ZNF599: variants seen among roughly 807,000 people sequenced by gnomAD.
ZNF599 encodes the protein zinc finger protein 599.
ZNF599 carries 10 observed loss-of-function variants against 11.7 expected under a neutral mutation model. The observed-to-expected ratio is 0.86, with a 90% CI of 0.53 to 1.45. ZNF599 has a LOEUF of 1.45. Ranked by LOEUF, ZNF599 falls within the 40% of genes most tolerant of loss-of-function variation. The pLI, the probability that ZNF599 is intolerant of heterozygous loss-of-function variation, is 0.00. For missense variants in ZNF599, 688 were observed against 713.6 expected (o/e 0.96, Z 0.41); for synonymous variants, 232 against 253.2 (o/e 0.92, Z 0.79).
chr19:34,793,840 G>A, the ZNF599 span, among the ~76,000 whole-genome samples: 2 of 152,306 alleles, frequency 1.3e-5, no homozygotes, highest in East Asian at 3.9e-4. Context: ...TAAATAAGAG[G>A]TGGGTTATTC....
At chr19:34,766,484 T>C (rs1005082016) in intron 3 of ZNF599, among the ~76,000 whole-genome samples, 5 of 152,228 alleles carry the variant, frequency 3.3e-5, no homozygotes, top group Admixed American at 6.5e-5. Context: ...GTCTTCTGAA[T>C]GCAGAAGAAT....
chr19:34,778,234 T>C, the ZNF599 span, among the ~76,000 whole-genome samples: 5 of 151,646 alleles, frequency 3.3e-5, no homozygotes, highest in African/African-American at 1.2e-4. Context: ...AAATGAAGGG[T>C]CTCAAATCAT....
At chr19:34,805,159 C>A in the ZNF599 span, among the ~76,000 whole-genome samples, 6 of 151,230 alleles carry the variant, frequency 4.0e-5, no homozygotes, top group African/African-American at 1.5e-4. Context: ...ACCTATGACA[C>A]TTCCTTCCAA....
At chr19:34,770,337 C>A (rs918073512) in intron 1 of ZNF599, among the ~76,000 whole-genome samples, 3 of 152,242 alleles carry the variant, frequency 2.0e-5, no homozygotes, top group African/African-American at 7.2e-5. Flanking sequence ...CCCTGTACTC[C>A]TCCATCACCA....
chr19:34,781,024 C>T, the ZNF599 span, among the ~76,000 whole-genome samples: 13 of 151,924 alleles, frequency 8.6e-5, no homozygotes, highest in African/African-American at 2.9e-4. Flanking sequence ...GGCGCGGTGG[C>T]GGGCACCTGT....
the ZNF599 span, among the ~76,000 whole-genome samples, chr19:34,781,240 GA>G: frequency 6.6e-6 from 1 of 151,394 alleles, no homozygotes; most frequent in African/African-American, 2.4e-5. Flanking sequence ...GAAATAAAGA[GA>G]AAGAAAGAAA....
At chr19:34,774,064 G>A (rs895485714), upstream of ZNF599, among the ~76,000 whole-genome samples, 3 of 152,152 alleles carry the variant, frequency 2.0e-5, no homozygotes, top group African/African-American at 4.8e-5. Context: ...AGCATTTGGC[G>A]TATGCATCTT....
upstream of ZNF599, among the ~76,000 whole-genome samples, chr19:34,777,375 T>C (rs1250869257): frequency 1.1e-5 from 1 of 89,118 alleles, no homozygotes; most frequent in African/African-American, 4.9e-5. Flanking sequence ...TATTATATAT[T>C]ATATATTAAT....
At position 34,760,006 on chromosome 19, in the gene ZNF599, T is replaced by A. The variant is rs146968235; in HGVS notation, c.795A>T (p.Lys265Asn). ...GGTGCTCCGTGAGGTGAAACCTGCG[T>A]TTGAAGGCTTTCCCACACTCAATAC... ...YKCIECGKAF[K>N]RRFHLTEHQR... The change falls in exon 4 of 4, where the codon AAA becomes AAT. Residue 265 changes from lysine (K) to asparagine (N), a missense_variant. Coordinates refer to ENST00000329285, the MANE Select transcript of ZNF599 (RefSeq NM_001007248.3). 1.6e-3 allele frequency: 2,545 copies of A among 1,614,114 alleles called. 2 individuals carry two copies. The highest frequency in any genetic ancestry group is 1.9e-3 in the Non-Finnish European group (2,212 of 1,180,028).
At chr19:34,772,347 G>C in intron 1 of ZNF599, 1 of 993,038 alleles carries the variant, frequency 1.0e-6, no homozygotes, top group Non-Finnish European at 1.2e-6. Context: ...TCTTGCCCTC[G>C]AGGCTCTCAT....
chr19:34,803,035 G>T, the ZNF599 span, among the ~76,000 whole-genome samples: 1 of 152,174 alleles, frequency 6.6e-6, no homozygotes. Flanking sequence ...GAAGACATGG[G>T]GATATATTAG....
Position 34,769,487 on chromosome 19 carries a change from G to C in ZNF599, c.87C>G (p.Ala29=), listed in dbSNP as rs529748288. The C allele has an allele frequency of 2.5e-6, 4 of 1,614,166 alleles. No homozygotes were observed. The highest frequency in any genetic ancestry group is 3.4e-6 in the Non-Finnish European group (4 of 1,180,016). The change falls in exon 2 of 4, where the codon GCC becomes GCG. Residue 29 remains alanine, a synonymous_variant. Coordinates refer to ENST00000329285, the MANE Select transcript of ZNF599 (RefSeq NM_001007248.3). ...TCACCTCCTGGTACAGGGTCCTCTGGGCCAGGTCCAGGTGCCCCCATTCCT... is the reference window on the plus strand; with the variant it reads ...TCACCTCCTGGTACAGGGTCCTCTGCGCCAGGTCCAGGTGCCCCCATTCCT... The part of the protein sequence containing the change: ...TGEEWGHLDL[A]QRTLYQEVML...
In ZNF599 at chr19:34,760,031, C is replaced by G; in HGVS notation, c.770G>C (p.Cys257Ser). 1 of 1,614,118 alleles carries G rather than the reference C, an allele frequency of 6.2e-7. No homozygotes were observed. Among genetic ancestry groups the G allele is most frequent in the Non-Finnish European group, 8.5e-7 (1 of 1,180,010 alleles). ...RLHTGEKPYK[C>S]IECGKAFKRR... ...TTTGAAGGCTTTCCCACACTCAATA[C>G]ACTTGTATGGTTTTTCCCCAGTATG... is the stretch of plus-strand genomic sequence containing the variant. The change falls in exon 4 of 4, where the codon TGT becomes TCT. Residue 257 changes from cysteine (C) to serine (S), a missense_variant. By Grantham distance (112) the Cys-to-Ser change is moderately radical (BLOSUM62 -1). Transcript: ENST00000329285.
chr19:34,790,733 A>C, the ZNF599 span, among the ~76,000 whole-genome samples: 17 of 152,322 alleles, frequency 1.1e-4, no homozygotes, highest in African/African-American at 4.1e-4. Flanking sequence ...ATATCTTAAA[A>C]TTGCTAAAAT....
At chr19:34,799,838 T>G in the ZNF599 span, among the ~76,000 whole-genome samples, 5 of 152,238 alleles carry the variant, frequency 3.3e-5, no homozygotes, top group Non-Finnish European at 7.3e-5. Flanking sequence ...GCTGCTGTTA[T>G]CTACTGAACT....
chr19:34,781,741 A>G, the ZNF599 span, among the ~76,000 whole-genome samples: 1 of 152,192 alleles, frequency 6.6e-6, no homozygotes, highest in Non-Finnish European at 1.5e-5. Flanking sequence ...GCTGCTGGTA[A>G]AACATGAGCC....
chr19:34,774,746 A>G (rs2069208874), upstream of ZNF599, among the ~76,000 whole-genome samples: 1 of 152,164 alleles, frequency 6.6e-6, no homozygotes. Context: ...ATGCTTCTTA[A>G]TGCGAGAAGC....
the ZNF599 span, among the ~76,000 whole-genome samples, chr19:34,803,599 T>C: frequency 6.6e-6 from 1 of 152,160 alleles, no homozygotes; most frequent in African/African-American, 2.4e-5. Flanking sequence ...ACCCAGAGGA[T>C]GTATCAGACC....
rs1371027484 is a variant in ZNF599 at position 34,759,799 on chromosome 19, A to G, written c.1002T>C (p.Thr334=). ...CACCGCACTCATAGAGTTTCTTTCC[A>G]GTATGAATCCTCATATGTTGAGCAA... The part of the protein sequence containing the change: ...SSFAQHMRIH[T]GKKLYECGEC... The change falls in exon 4 of 4, where the codon ACT becomes ACC. Residue 334 remains threonine, a synonymous_variant. Transcript: ENST00000329285. The G allele has an allele frequency of 6.2e-7, 1 of 1,614,186 alleles. No individual in the cohort carries two copies. Among genetic ancestry groups the G allele is most frequent in the Admixed American group, 1.7e-5 (1 of 60,014 alleles).
Sources: gnomAD v4.1 joint callset for allele counts (sites outside exome capture counted in the v4.1 genomes callset) on GRCh38, gnomAD v4.1.1 for gene constraint, MANE v1.5 for transcripts, NCBI Gene and HGNC (gene_info 2026-07-23, HGNC 2026-07-21) for gene names.